CPLANE1: variants seen among roughly 807,000 people sequenced by gnomAD.
The protein encoded by CPLANE1 is ciliogenesis and planar polarity effector 1.
CPLANE1 carries 263 observed loss-of-function variants against 362.5 expected under a neutral mutation model. That is an observed-to-expected ratio of 0.73 (90% CI 0.66 to 0.80). The LOEUF (loss-of-function observed/expected upper bound fraction) is 0.80, where lower values mean the gene tolerates loss of function less well. CPLANE1 is among the 30% of genes least tolerant of loss of function. CPLANE1 has a pLI of 0.00. For synonymous variants in CPLANE1, 1,212 were observed against 1,302.6 expected (o/e 0.93, Z 1.50); for missense variants, 3,461 against 3,793.4 (o/e 0.91, Z 2.30).
Position 37,239,849 on chromosome 5 carries a change from T to C in CPLANE1, c.698A>G (p.His233Arg), listed in dbSNP as rs1258296079. ...GAGATGACAGTCTTGTTGAGCCCAA[T>C]GAACATGGTATGGCAATGATCTAAA... Reference protein sequence around the residue: ...TSVRSLPYHVHWAQQDCHLCS... With the variant: ...TSVRSLPYHVRWAQQDCHLCS... Residue 233 changes from histidine (H) to arginine (R), a missense_variant, in exon 7 of 53, where the codon CAT becomes CGT. Coordinates refer to ENST00000651892, the MANE Select transcript of CPLANE1 (RefSeq NM_001384732.1). The C allele has an allele frequency of 2.6e-6, 4 of 1,515,762 alleles. No homozygotes were observed. Among genetic ancestry groups the C allele is most frequent in the Non-Finnish European group, 3.6e-6 (4 of 1,126,598 alleles). 93.9% of individuals were successfully genotyped at this position (1,515,762 alleles called of 1,614,324 possible).
chr5:37,214,875 CAGAA>C (rs1308519026), intron 15 of CPLANE1, among the ~76,000 whole-genome samples: 3 of 152,020 alleles, frequency 2.0e-5, no homozygotes, highest in Non-Finnish European at 2.9e-5. Context: ...TCTGAATAAG[CAGAA>C]AAAAATCATG....
Position 37,186,400 on chromosome 5 carries a change from G to GAA in CPLANE1, c.4081-8_4081-7dup. ...TTCACGAAAATTTCTGCTACCTTCA[G>GAA]AAAAAAAATTGTTTAAGTTTTATGA... On this transcript the variant is annotated splice_region_variant and splice_polypyrimidine_tract_variant and intron_variant, in intron 23 of 52. Coordinates refer to ENST00000651892, the MANE Select transcript of CPLANE1 (RefSeq NM_001384732.1). The GAA allele has an allele frequency of 7.2e-7, 1 of 1,389,688 alleles. No individual in the cohort carries two copies. Among genetic ancestry groups the GAA allele is most frequent in the Non-Finnish European group, 1.0e-6 (1 of 985,574 alleles). The allele number at this position is 1,389,688 out of a possible 1,614,324, so 86.1% of individuals were successfully genotyped here.
intron 8 of CPLANE1, among the ~76,000 whole-genome samples, chr5:37,232,869 C>T (rs572486068): frequency 1.7e-4 from 24 of 139,210 alleles, no homozygotes; most frequent in African/African-American, 6.4e-4. Context: ...AAAAGAAAGA[C>T]ACTCAGCTCA....
In CPLANE1 at chr5:37,226,695, G is replaced by GT. The variant is rs2150437056; in HGVS notation, c.1899dup (p.Leu634ThrfsTer64). The stretch of plus-strand genomic sequence containing the variant: ...TGATGAAAAAGTTGAAAGATACAAA[G>GT]TATCCATGCATTATGTCTTGAGCTT... On this transcript the variant is annotated frameshift_variant, in exon 12 of 53. Transcript: ENST00000651892. LOFTEE classifies it high-confidence loss of function. The GT allele has an allele frequency of 6.4e-7, 1 of 1,550,688 alleles. No individual in the cohort carries two copies. The highest frequency in any genetic ancestry group is 2.4e-5 in the East Asian group (1 of 40,850).
rs958007226 is a variant in CPLANE1, at chr5:37,243,021, T to C, written c.669A>G (p.Thr223=). Residue 223 remains threonine (T), a synonymous_variant, in exon 6 of 53, where the codon ACA becomes ACG. Coordinates refer to ENST00000651892, the MANE Select transcript of CPLANE1 (RefSeq NM_001384732.1). Reference sequence around the variant, plus strand: ...GAAAACATTTACCTCACCTTACAGATGTAAATACATTCTCATGCCACCGAA... The same window carrying C: ...GAAAACATTTACCTCACCTTACAGACGTAAATACATTCTCATGCCACCGAA... ...LAIRWHENVF[T]SVRSLPYHVH... 2.0e-6 allele frequency: 3 copies of C among 1,534,128 alleles called. No individual in the cohort carries two copies. The highest frequency in any genetic ancestry group is 1.8e-6 in the Non-Finnish European group (2 of 1,136,944).
At chr5:37,238,808 C>T in intron 8 of CPLANE1, 49 bp downstream of exon 8, 1 of 1,079,720 alleles carries the variant, frequency 9.3e-7, no homozygotes, top group African/African-American at 1.6e-5. Flanking sequence ...AGAGACCCAT[C>T]TCTTTTAAAA....
chr5:37,114,664 C>G (rs1445818814), intron 51 of CPLANE1, among the ~76,000 whole-genome samples: 1 of 152,084 alleles, frequency 6.6e-6, no homozygotes, highest in Non-Finnish European at 1.5e-5. Context: ...CTTTGGGAGG[C>G]TAAGATGGGC....
At position 37,164,286 on chromosome 5, in the gene CPLANE1, G is replaced by C; in HGVS notation, c.7575C>G (p.Phe2525Leu). Residue 2525 changes from phenylalanine to leucine, a missense_variant, in exon 37 of 53, where the codon TTC becomes TTG. Coordinates refer to ENST00000651892, the MANE Select transcript of CPLANE1 (RefSeq NM_001384732.1). ...ACACATACATACCAAAAGGAACGTC[G>C]AAGTCATCCAAAGGATGGGAACCAC... ...EHCGSHPLDD[F>L]DVPFEMLQDD... The C allele has an allele frequency of 1.2e-6, 2 of 1,612,360 alleles. No individual in the cohort carries two copies. The highest frequency in any genetic ancestry group is 1.7e-6 in the Non-Finnish European group (2 of 1,178,670).
downstream of CPLANE1, among the ~76,000 whole-genome samples, chr5:37,105,478 G>A (rs1452915559): frequency 6.6e-6 from 1 of 152,194 alleles, no homozygotes; most frequent in African/African-American, 2.4e-5. Context: ...TATTGCAGAA[G>A]AATGAAACTA....
At chr5:37,234,985 A>G (rs1367439423) in intron 8 of CPLANE1, among the ~76,000 whole-genome samples, 1 of 152,172 alleles carries the variant, frequency 6.6e-6, no homozygotes, top group Non-Finnish European at 1.5e-5. Flanking sequence ...TAGAAGTCCT[A>G]GTCAGAGCAA....
chr5:37,162,098 C>G (rs1776989470), intron 38 of CPLANE1, among the ~76,000 whole-genome samples: 1 of 152,214 alleles, frequency 6.6e-6, no homozygotes, highest in Admixed American at 6.5e-5. Context: ...ATACCCCTCC[C>G]TCACCGAACC....
chr5:37,117,630 G>A (rs1761404889), intron 50 of CPLANE1, among the ~76,000 whole-genome samples: 1 of 152,182 alleles, frequency 6.6e-6, no homozygotes, highest in African/African-American at 2.4e-5. Context: ...CTGCTGAGCA[G>A]CACAGGTTCT....
At chr5:37,205,092 GT>G (rs1314958536) in intron 18 of CPLANE1, 66 of 260,454 alleles carry the variant, frequency 2.5e-4, no homozygotes, top group Non-Finnish European at 1.2e-4. Flanking sequence ...GGCAGGTAGA[GT>G]TTGCAGTGAG....
At chr5:37,203,743 C>T (rs1463851949) in intron 18 of CPLANE1, among the ~76,000 whole-genome samples, 1 of 152,160 alleles carries the variant, frequency 6.6e-6, no homozygotes. Flanking sequence ...GTCTCGAACT[C>T]CTGGGCTCAA....
At chr5:37,131,292 A>G (rs956013432) in intron 46 of CPLANE1, among the ~76,000 whole-genome samples, 1 of 152,150 alleles carries the variant, frequency 6.6e-6, no homozygotes, top group Non-Finnish European at 1.5e-5. Context: ...CTGCGTGTCA[A>G]TAGGTTGAAC....
intron 35 of CPLANE1, among the ~76,000 whole-genome samples, chr5:37,166,490 T>C (rs926559081): frequency 6.6e-6 from 1 of 152,222 alleles, no homozygotes; most frequent in Non-Finnish European, 1.5e-5. Flanking sequence ...TAAGATATTT[T>C]GAGAGACAGA....
the CPLANE1 span, among the ~76,000 whole-genome samples, chr5:37,082,626 CCTCT>C: frequency 1.5e-4 from 23 of 152,148 alleles, no homozygotes; most frequent in Admixed American, 5.2e-4. Flanking sequence ...GACCTCTTTT[CCTCT>C]CTATCTGCCT....
rs936051276 is a variant in CPLANE1 at position 37,167,821 on chromosome 5, T to C, written c.7234-608A>G. On this transcript the variant is annotated intron_variant, in intron 34 of 52. Transcript: ENST00000651892. Reference sequence around the variant, plus strand: ...ACCTTTCCTCTTATAAATGAAATTATATAATGTCCAGCATTTAACTTAAAA... The same window carrying C: ...ACCTTTCCTCTTATAAATGAAATTACATAATGTCCAGCATTTAACTTAAAA... Among the ~76,000 whole-genome samples, 21 of 152,312 alleles carry C rather than the reference T, an allele frequency of 1.4e-4. No individual in the cohort carries two copies. In the East Asian group the frequency reaches 2.7e-3, roughly 20 times the overall value.
At chr5:37,179,611 C>G (rs1486734418) in intron 28 of CPLANE1, among the ~76,000 whole-genome samples, 168 bp from the exon 29 acceptor site, 2 of 152,124 alleles carry the variant, frequency 1.3e-5, no homozygotes, top group Non-Finnish European at 2.9e-5. Context: ...CCATCTTCAT[C>G]AGGTAAATCC....
Sources: allele counts gnomAD v4.1 joint callset (sites outside exome capture counted in the v4.1 genomes callset), GRCh38; gene constraint gnomAD v4.1.1; transcripts MANE v1.5; gene names NCBI Gene and HGNC (gene_info 2026-07-23, HGNC 2026-07-21).